The following RUSC2 variants were observed in gnomAD, a reference collection of about 807,000 sequenced individuals.
RUSC2 encodes AP-4 complex accessory subunit RUSC2.
RUSC2 carries 34 observed loss-of-function variants against 122.2 expected under a neutral mutation model. That is an observed-to-expected ratio of 0.28 (90% CI 0.21 to 0.37). The LOEUF is 0.37. RUSC2 is among the 10% of genes least tolerant of loss of function. The pLI is 1.00. For missense variants in RUSC2, 1,747 were observed against 1,952.4 expected, an observed-to-expected ratio of 0.89 and a Z score of 1.98; for synonymous variants, 784 against 790.0, an observed-to-expected ratio of 0.99 and a Z score of 0.13.
chr9:35,545,889 A>G (rs1198877709), intron 1 of RUSC2, among the ~76,000 whole-genome samples: 3 of 152,232 alleles, frequency 2.0e-5, no homozygotes, highest in African/African-American at 7.2e-5. Context: ...AAAGGGGATC[A>G]GAGATAACAG....
chr9:35,535,683 C>T (rs1004977128), intron 1 of RUSC2, among the ~76,000 whole-genome samples: 14 of 151,892 alleles, frequency 9.2e-5, no homozygotes, highest in Non-Finnish European at 1.9e-4. Flanking sequence ...GGACTCCAGG[C>T]GTCCACCACC....
chr9:35,539,355 T>A (rs1375555417), intron 1 of RUSC2, among the ~76,000 whole-genome samples: 1 of 152,092 alleles, frequency 6.6e-6, no homozygotes, highest in Non-Finnish European at 1.5e-5. Flanking sequence ...TGCTATTTTG[T>A]CAAGAAGCAG....
chr9:35,518,451 A>G (rs894707188), intron 1 of RUSC2, among the ~76,000 whole-genome samples: 2 of 152,200 alleles, frequency 1.3e-5, no homozygotes, highest in Non-Finnish European at 2.9e-5. Flanking sequence ...TCCAGCTGTC[A>G]GCCTCCTCAT....
chr9:35,511,235 A>G (rs1171744588), intron 1 of RUSC2, among the ~76,000 whole-genome samples: 1 of 152,172 alleles, frequency 6.6e-6, no homozygotes, highest in Non-Finnish European at 1.5e-5. Context: ...CCCTATTGGA[A>G]GCAGCTAATA....
intron 1 of RUSC2, among the ~76,000 whole-genome samples, chr9:35,512,444 A>G (rs1264334111): frequency 6.6e-6 from 1 of 152,194 alleles, no homozygotes; most frequent in Non-Finnish European, 1.5e-5. Context: ...GAATTAAGGT[A>G]TTAGGCATTT....
intron 1 of RUSC2, among the ~76,000 whole-genome samples, chr9:35,532,246 G>T (rs1322924145): frequency 1.3e-5 from 2 of 152,172 alleles, no homozygotes; most frequent in Non-Finnish European, 2.9e-5. Context: ...GGCTATTGGA[G>T]ATTTGATTCT....
At position 35,547,692 on chromosome 9, in the gene RUSC2, G is replaced by A. The variant is rs564321819; in HGVS notation, c.1171G>A (p.Val391Met). The change falls in exon 2 of 12, where the codon GTG (valine) becomes ATG (methionine). Residue 391 changes from valine to methionine, a missense_variant. Transcript: ENST00000361226. This position sits in a 1 kb window ranked among gnomAD's most constrained non-coding sequence, Gnocchi z 4.6. ...ACFQSQARLV[V>M]ATQNYYKLVT... ...CTTCCAAAGCCAGGCCCGTCTTGTT[G>A]TGGCCACACAAAATTACTATAAACT... is the stretch of plus-strand genomic sequence containing the variant. The A allele has an allele frequency of 1.2e-6, 2 of 1,614,138 alleles. No individual in the cohort carries two copies. The highest frequency in any genetic ancestry group is 1.7e-6 in the Non-Finnish European group (2 of 1,180,032).
intron 1 of RUSC2, among the ~76,000 whole-genome samples, chr9:35,515,999 CAAAAAAAAAAAAAAA>C (rs544797957): frequency 4.2e-5 from 2 of 47,218 alleles, no homozygotes; most frequent in Non-Finnish European, 7.3e-5. Flanking sequence ...ATTCTTGTCT[CAAAAAAAAAAAAAAA>C]AAAAAAAAAG....
At position 35,561,038 on chromosome 9, in the gene RUSC2, A is replaced by G; in HGVS notation, c.4290A>G (p.Pro1430=). 1 of 1,614,204 alleles carries G rather than the reference A, an allele frequency of 6.2e-7. No homozygotes were observed. The highest frequency in any genetic ancestry group is 8.5e-7 in the Non-Finnish European group (1 of 1,180,030). Residue 1430 remains proline (P), a synonymous_variant, in exon 11 of 12, where the codon CCA becomes CCG. Coordinates refer to ENST00000361226, the MANE Select transcript of RUSC2 (RefSeq NM_014806.5). ...AGACAGTGGGTTCCCGCCGGGAGCC[A>G]GAGCCCAAGGAGAGCCTGCAGGAGC... The part of the protein sequence containing the change: ...VAQTVGSRRE[P]EPKESLQEPH...
intron 1 of RUSC2, among the ~76,000 whole-genome samples, chr9:35,536,733 G>A (rs1821534737): frequency 7.0e-6 from 1 of 143,384 alleles, no homozygotes; most frequent in South Asian, 2.2e-4. Flanking sequence ...AGAATCACTT[G>A]ATCCTGGGAG....
In RUSC2 at chr9:35,560,155, T is replaced by G. The variant is rs746812360; in HGVS notation, c.3515T>G (p.Leu1172Trp). ...GCCCTGCTGCCCTTCAGCCTCGACT[T>G]GCTGTTCCAGCACCGGCTGCTGCAA... ...PLALLPFSLD[L>W]LFQHRLLQSG... The change falls in exon 10 of 12, where the codon TTG becomes TGG. Residue 1172 changes from leucine to tryptophan, a missense_variant. Coordinates refer to ENST00000361226, the MANE Select transcript of RUSC2 (RefSeq NM_014806.5). 6.2e-7 allele frequency: 1 copy of G among 1,608,978 alleles called. No individual in the cohort carries two copies. Among genetic ancestry groups the G allele is most frequent in the Admixed American group, 1.7e-5 (1 of 60,032 alleles).
intron 1 of RUSC2, among the ~76,000 whole-genome samples, chr9:35,503,667 A>G (rs1820858722): frequency 6.6e-6 from 1 of 152,152 alleles, no homozygotes; most frequent in Admixed American, 6.6e-5. Context: ...TCAGTTCTTT[A>G]AGGAATCGCC....
In RUSC2 at chr9:35,561,335, A is replaced by ACAT; in HGVS notation, c.4505_4507dup (p.Thr1502_Leu1503insSer). ...TGGCCTGGTGCCCCTGGCCTACGTG[A>ACAT]CATTGACCCCAACTCCAAGTCCAAC... On this transcript the variant is annotated inframe_insertion, in exon 12 of 12. Coordinates refer to ENST00000361226, the MANE Select transcript of RUSC2 (RefSeq NM_014806.5). 4.3e-6 allele frequency: 7 copies of ACAT among 1,614,046 alleles called. No homozygotes were observed. Among genetic ancestry groups the ACAT allele is most frequent in the Non-Finnish European group, 5.9e-6 (7 of 1,179,964 alleles).
intron 9 of RUSC2, among the ~76,000 whole-genome samples, chr9:35,559,673 T>A (rs1026566072): frequency 1.3e-5 from 2 of 152,164 alleles, no homozygotes; most frequent in African/African-American, 4.8e-5. Flanking sequence ...AGGCAGAGGT[T>A]GCAGTGAGCC....
chr9:35,556,530 A>ACCTCTAAGTGCTTGCTGGGC, intron 5 of RUSC2, 82 bp downstream of exon 5: 2 of 1,327,956 alleles, frequency 1.5e-6, no homozygotes, highest in Non-Finnish European at 2.1e-6. Context: ...CCAGTCTGAA[A>ACCTCTAAGTGCTTGCTGGGC]CCTCTAAGTG....
chr9:35,512,670 A>G (rs1821030234), intron 1 of RUSC2, among the ~76,000 whole-genome samples: 1 of 152,138 alleles, frequency 6.6e-6, no homozygotes, highest in Admixed American at 6.5e-5. Flanking sequence ...CATTTTTTTT[A>G]AATAAAAATG....
intron 1 of RUSC2, among the ~76,000 whole-genome samples, chr9:35,532,417 A>G (rs1564255998): frequency 6.6e-6 from 1 of 152,232 alleles, no homozygotes; most frequent in East Asian, 1.9e-4. Flanking sequence ...AGAAAGAATT[A>G]TCTAAGAAGT....
chr9:35,547,820 T>C lies in RUSC2; in HGVS notation c.1299T>C (p.Pro433=). 6.2e-7 allele frequency: 1 copy of C among 1,611,934 alleles called. No homozygotes were observed. The highest frequency in any genetic ancestry group is 8.5e-7 in the Non-Finnish European group (1 of 1,179,178). ...CCAAGATAAGTCCCCCACCAGGCCC[T>C]GGCCCAGACCCAGGCCCCAGCCAGC... ...EHTKISPPPG[P]GPDPGPSQPS... The change falls in exon 2 of 12, where the codon CCT becomes CCC. Residue 433 remains proline, a synonymous_variant. Transcript: ENST00000361226. This position sits in a 1 kb window ranked among gnomAD's most constrained non-coding sequence, Gnocchi z 4.6.
rs1425683406 is a variant in RUSC2 at position 35,560,447 on chromosome 9, C to A, written c.3807C>A (p.Gly1269=). ...RARWARGGQA[G]WWYQLMQSSQ... is the part of the protein sequence containing the mutation. ...GGTGGGCCCGAGGTGGGCAGGCCGG[C>A]TGGTGGTACCAGCTCATGCAGAGCT... The change falls in exon 10 of 12, where the codon GGC becomes GGA. Residue 1269 remains glycine (G), a synonymous_variant. Transcript: ENST00000361226. 1.2e-6 allele frequency: 2 copies of A among 1,614,222 alleles called. No individual in the cohort carries two copies. The highest frequency in any genetic ancestry group is 8.5e-7 in the Non-Finnish European group (1 of 1,180,024).
Sources: gnomAD v4.1 joint callset for allele counts (sites outside exome capture counted in the v4.1 genomes callset) on GRCh38, gnomAD v4.1.1 for gene constraint, Gnocchi (gnomAD v3.1) non-coding constraint, MANE v1.5 for transcripts, NCBI Gene and HGNC (gene_info 2026-07-23, HGNC 2026-07-21) for gene names.